Variants in ROS1 observed in about 807,000 individuals in gnomAD.
ROS1 encodes the protein proto-oncogene tyrosine-protein kinase ROS.
A neutral mutation model predicts 273.5 loss-of-function variants in ROS1; 263 were observed. That is an observed-to-expected ratio of 0.96 (90% CI 0.87 to 1.06). The LOEUF is 1.06. ROS1 is among the 50% of genes least tolerant of loss of function. The probability of loss-of-function intolerance (pLI) is 0.00; values close to 1 mark genes in which losing one functional copy is unlikely to be tolerated. For synonymous variants in ROS1, 1,008 were observed against 954.1 expected (o/e 1.06, Z -1.04); for missense variants, 2,833 against 2,751.1 (o/e 1.03, Z -0.67).
chr6:117,306,021 TCTC>T (rs1003523886), intron 42 of ROS1, among the ~76,000 whole-genome samples: 5 of 146,248 alleles, frequency 3.4e-5, no homozygotes, highest in East Asian at 4.1e-4. Flanking sequence ...TTACAACTCT[TCTC>T]CTCAAGTTTT....
Position 117,310,268 on chromosome 6 carries a change from T to C in ROS1, c.6229A>G (p.Arg2077Gly), listed in dbSNP as rs552183. ...MHFIHRDLAA[R>G]NCLVSVKDYT... ...TCTTTCACGGAAACAAGGCAATTTC[T>C]AGCTGCCAGATCCCTGTGGCAGAAG... The change falls in exon 41 of 44, where the codon AGA (arginine) becomes GGA (glycine). Residue 2077 changes from arginine to glycine, a missense_variant. Transcript: ENST00000368507. 1 of 1,606,858 alleles carries C rather than the reference T, an allele frequency of 6.2e-7. No homozygotes were observed.
At chr6:117,418,167 G>A (rs889927053) in intron 2 of ROS1, among the ~76,000 whole-genome samples, 12 of 152,140 alleles carry the variant, frequency 7.9e-5, no homozygotes, top group African/African-American at 1.4e-4. Context: ...TATTGGAGAC[G>A]ATCTCAAATA....
intron 38 of ROS1, 122 bp downstream of exon 38, chr6:117,318,066 A>C (rs1195079022): frequency 6.9e-6 from 5 of 721,750 alleles, no homozygotes; most frequent in East Asian, 2.7e-5. Context: ...GTTCCATTTA[A>C]ACGTTTCAAC....
At position 117,341,312 on chromosome 6, in the gene ROS1, C is replaced by G. The variant is rs1322935214; in HGVS notation, c.4885-1G>C. On this transcript the variant is annotated splice_acceptor_variant, in intron 30 of 43. Coordinates refer to ENST00000368507, the MANE Select transcript of ROS1 (RefSeq NM_001378902.1). LOFTEE classifies it high-confidence loss of function. ...TTTCCTCAGAGTGGCAGGCAAGAAC[C>G]TTTTGGTAAAAAAGAACAATTGCTT... 36 of 1,612,276 alleles carry G rather than the reference C, an allele frequency of 2.2e-5. No homozygotes were observed. The highest frequency in any genetic ancestry group is 2.9e-5 in the Non-Finnish European group (34 of 1,179,342).
intron 9 of ROS1, among the ~76,000 whole-genome samples, chr6:117,395,832 A>C (rs1166337335): frequency 1.3e-5 from 2 of 151,758 alleles, no homozygotes. Context: ...ATTATATATA[A>C]TCTAAAATAG....
intron 15 of ROS1, 80 bp from the exon 16 acceptor site, chr6:117,385,941 A>T (rs1285392359): frequency 9.4e-7 from 1 of 1,061,118 alleles, no homozygotes; most frequent in East Asian, 2.4e-5. Flanking sequence ...TCACATCTGC[A>T]CCTCAACATA....
intron 16 of ROS1, 149 bp downstream of exon 16, chr6:117,385,534 T>C: frequency 1.4e-6 from 1 of 707,648 alleles, no homozygotes; most frequent in Non-Finnish European, 2.2e-6. Context: ...AAAAAAATGT[T>C]TAAGTGACTT....
At position 117,301,153 on chromosome 6, in the gene ROS1, A is replaced by T. The variant is rs1002651487; in HGVS notation, c.6552-16T>A. 1.2e-5 allele frequency: 19 copies of T among 1,565,434 alleles called. No individual in the cohort carries two copies. The highest frequency in any genetic ancestry group is 1.6e-5 in the Non-Finnish European group (19 of 1,163,028). On this transcript the variant is annotated splice_polypyrimidine_tract_variant and intron_variant, in intron 42 of 43. Transcript: ENST00000368507. ...TAAATTCCACCTAAATATATGGGGA[A>T]AGATGGGAAAGTAAATAGCAATTGG...
At chr6:117,311,403 T>G (rs1775539353) in intron 39 of ROS1, among the ~76,000 whole-genome samples, 1 of 152,136 alleles carries the variant, frequency 6.6e-6, no homozygotes, top group Non-Finnish European at 1.5e-5. Flanking sequence ...CAGATCGAGA[T>G]GTGAAACCTA....
chr6:117,414,978 C>G (rs1775228511), intron 3 of ROS1, among the ~76,000 whole-genome samples: 1 of 151,816 alleles, frequency 6.6e-6, no homozygotes, highest in African/African-American at 2.4e-5. Context: ...TGTTTCCCAG[C>G]AACAAATGGT....
At chr6:117,345,996 G>T (rs1778341823) in intron 27 of ROS1, among the ~76,000 whole-genome samples, 1 of 152,140 alleles carries the variant, frequency 6.6e-6, no homozygotes, top group Non-Finnish European at 1.5e-5. Flanking sequence ...TGGAAAGTAT[G>T]GGGGTTTAGA....
chr6:117,344,059 C>T lies in ROS1; in HGVS notation c.4506+1G>A, dbSNP rs759092302. 5.0e-6 allele frequency: 8 copies of T among 1,608,744 alleles called. No homozygotes were observed. In the South Asian group the frequency reaches 5.5e-5, roughly 11 times the overall value. ...ACAAAGACCACTAGTTCCAATCTTA[C>T]CAGAATTCTATATTTCAAGTCAGAG... On this transcript the variant is annotated splice_donor_variant, in intron 28 of 43. Transcript: ENST00000368507. LOFTEE classifies it high-confidence loss of function.
intron 3 of ROS1, among the ~76,000 whole-genome samples, chr6:117,415,719 G>A (rs1775285594): frequency 6.6e-6 from 1 of 152,158 alleles, no homozygotes; most frequent in African/African-American, 2.4e-5. Context: ...GAGTAAACCA[G>A]GTGTTTACGG....
rs757273336 is a variant in ROS1 at position 117,389,665 on chromosome 6, G to A, written c.1471C>T (p.Leu491=). 6.2e-7 allele frequency: 1 copy of A among 1,614,214 alleles called. No homozygotes were observed. The highest frequency in any genetic ancestry group is 8.5e-7 in the Non-Finnish European group (1 of 1,180,032). Residue 491 remains leucine (L), a synonymous_variant, in exon 13 of 44, where the codon CTG becomes TTG. Transcript: ENST00000368507. ...DTAQVFMSTF[L]DGSASHLILP... is the part of the protein sequence containing the mutation. The stretch of plus-strand genomic sequence containing the variant: ...ATGAGATGGGAAGCAGAGCCATCCA[G>A]AAATGTTGACATGAAGACTTGGGCA...
At position 117,397,364 on chromosome 6, in the gene ROS1, G is replaced by A. The variant is rs1028490114; in HGVS notation, c.605-248C>T. 6.6e-5 allele frequency among the ~76,000 whole-genome samples: 10 copies of A among 152,210 alleles called. No individual in the cohort carries two copies. In the South Asian group the frequency reaches 1.5e-3, roughly 22 times the overall value. On this transcript the variant is annotated intron_variant, in intron 7 of 43. Transcript: ENST00000368507. ...TTAATGAAATAAAATTAAATATAGT[G>A]TATACGAATACAATAATGGCCCTTT...
At chr6:117,392,805 C>A (rs993108785) in intron 12 of ROS1, among the ~76,000 whole-genome samples, 10 of 152,176 alleles carry the variant, frequency 6.6e-5, no homozygotes, top group African/African-American at 2.4e-4. Context: ...ATGTGAGAAC[C>A]AAACCAGAGG....
intron 43 of ROS1, among the ~76,000 whole-genome samples, chr6:117,295,572 A>G (rs1013933272): frequency 4.3e-4 from 66 of 152,336 alleles, no homozygotes; most frequent in Non-Finnish European, 9.4e-4. Flanking sequence ...ATGGAAGAAA[A>G]TATTTGCAAA....
At chr6:117,298,340 A>ATTTTGGATATAAATTAAATTTATATCC (rs1562247272) in intron 43 of ROS1, among the ~76,000 whole-genome samples, 4 of 151,800 alleles carry the variant, frequency 2.6e-5, no homozygotes, top group Admixed American at 2.6e-4. Flanking sequence ...AATTTATTTT[A>ATTTTGGATATAAATTAAATTTATATCC]AAAAAAAGAG....
intron 18 of ROS1, among the ~76,000 whole-genome samples, chr6:117,376,684 C>T (rs1329970417): frequency 6.6e-6 from 1 of 151,850 alleles, no homozygotes; most frequent in Non-Finnish European, 1.5e-5. Context: ...AAATTAGATA[C>T]CTAGGCATTA....
Sources: gnomAD v4.1 joint callset for allele counts (sites outside exome capture counted in the v4.1 genomes callset) on GRCh38, gnomAD v4.1.1 for gene constraint, MANE v1.5 for transcripts, NCBI Gene and HGNC (gene_info 2026-07-23, HGNC 2026-07-21) for gene names.